BICD1: variants seen among roughly 807,000 people sequenced by gnomAD.
BICD1 encodes the protein protein bicaudal D homolog 1.
Under a neutral mutation model 92.5 loss-of-function variants are expected in BICD1, and 35 were observed. The observed-to-expected ratio is 0.38, with a 90% CI of 0.29 to 0.50. The LOEUF (loss-of-function observed/expected upper bound fraction) is 0.50. BICD1 is among the 20% of genes least tolerant of loss of function. BICD1 has a pLI of 0.93. For synonymous variants in BICD1, 429 were observed against 465.1 expected (o/e 0.92, Z 1.00); for missense variants, 950 against 1,189.8 (o/e 0.80, Z 2.97).
In BICD1 at chr12:32,379,860, G is replaced by A. The variant is rs556044571; in HGVS notation, c.*2233G>A. 2 of 152,306 alleles carry A rather than the reference G, an allele frequency of 1.3e-5. No individual in the cohort carries two copies. Among genetic ancestry groups the A allele is most frequent in the African/African-American group, 4.8e-5 (2 of 41,564 alleles). 9.4% of individuals were successfully genotyped at this position (152,306 alleles called of 1,614,324 possible). ...GAGTTCAGCAGGAAGTATTGTCTGT[G>A]TGTGATGACGGGGCAGTATTGCCAG... is the stretch of plus-strand genomic sequence containing the variant. On this transcript the variant is annotated 3_prime_UTR_variant, in exon 10 of 10. Coordinates refer to ENST00000652176, the MANE Select transcript of BICD1 (RefSeq NM_001714.4).
intron 9 of BICD1, among the ~76,000 whole-genome samples, chr12:32,371,261 A>G (rs998103132): frequency 6.6e-6 from 1 of 152,170 alleles, no homozygotes; most frequent in Non-Finnish European, 1.5e-5. Context: ...ACTGTTCCCC[A>G]TCGTGGTCTA....
intron 4 of BICD1, among the ~76,000 whole-genome samples, chr12:32,308,961 G>C (rs1472171551): frequency 1.3e-5 from 2 of 152,086 alleles, no homozygotes; most frequent in African/African-American, 2.4e-5. Context: ...AACACTAACT[G>C]TAAATTTTTT....
chr12:32,111,615 T>C (rs1941695523), intron 1 of BICD1, among the ~76,000 whole-genome samples: 1 of 152,166 alleles, frequency 6.6e-6, no homozygotes, highest in Admixed American at 6.6e-5. Flanking sequence ...TATTTTATTT[T>C]ATTTTATTTT....
chr12:32,194,740 G>C (rs904324721), intron 1 of BICD1, among the ~76,000 whole-genome samples: 3 of 151,584 alleles, frequency 2.0e-5, no homozygotes, highest in African/African-American at 2.4e-5. Context: ...AAAATTAGCC[G>C]GGCGTGGTGG....
rs115704183 is a variant in BICD1, at chr12:32,343,005, A to C, written c.2764+4026A>C. Among the ~76,000 whole-genome samples, 766 of 152,324 alleles carry C rather than the reference A, an allele frequency of 5.0e-3. 4 individuals are homozygous for C. The highest frequency in any genetic ancestry group is 0.018 in the African/African-American group (737 of 41,568). On this transcript the variant is annotated intron_variant, in intron 8 of 9. Coordinates refer to ENST00000652176, the MANE Select transcript of BICD1 (RefSeq NM_001714.4). ...TCCCTCTGGCTGGCTCAGCTTCTGC[A>C]ACCTCAGCCCTTACAATTGCAGTGC...
Position 32,377,715 on chromosome 12 carries a change from T to C in BICD1, c.*88T>C. 1 of 1,210,712 alleles carries C rather than the reference T, an allele frequency of 8.3e-7. No individual in the cohort carries two copies. The highest frequency in any genetic ancestry group is 1.2e-6 in the Non-Finnish European group (1 of 819,110). 75.0% of individuals were successfully genotyped at this position (1,210,712 alleles called of 1,614,324 possible). On this transcript the variant is annotated 3_prime_UTR_variant, in exon 10 of 10. Coordinates refer to ENST00000652176, the MANE Select transcript of BICD1 (RefSeq NM_001714.4). ...CCAAGATCCAGCGGGTGTTTTCTTCTCGGTTGTTAGATGTACAATTGGATT... is the reference window on the plus strand; with the variant it reads ...CCAAGATCCAGCGGGTGTTTTCTTCCCGGTTGTTAGATGTACAATTGGATT...
intron 8 of BICD1, among the ~76,000 whole-genome samples, chr12:32,350,006 C>T (rs1342224234): frequency 1.3e-5 from 2 of 152,226 alleles, no homozygotes; most frequent in Admixed American, 1.3e-4. Flanking sequence ...TCCTCTGAGG[C>T]ATTGTAAACG....
At chr12:32,183,018 A>T (rs1225923701) in intron 1 of BICD1, among the ~76,000 whole-genome samples, 3 of 149,422 alleles carry the variant, frequency 2.0e-5, no homozygotes, top group Admixed American at 1.3e-4. Flanking sequence ...CAGCCTCCAG[A>T]CTAGCTGGAA....
intron 2 of BICD1, among the ~76,000 whole-genome samples, chr12:32,266,616 G>A (rs890480579): frequency 6.6e-6 from 1 of 152,134 alleles, no homozygotes; most frequent in Non-Finnish European, 1.5e-5. Flanking sequence ...CAGCACTTTG[G>A]GAGGCCAAGG....
chr12:32,326,882 T>TA (rs1043221904), intron 4 of BICD1, among the ~76,000 whole-genome samples: 3 of 152,094 alleles, frequency 2.0e-5, no homozygotes, highest in African/African-American at 7.2e-5. Flanking sequence ...GACCCTGTCT[T>TA]AAAAAAAGAT....
chr12:32,191,363 A>G (rs1218361642), intron 1 of BICD1, among the ~76,000 whole-genome samples: 4 of 151,952 alleles, frequency 2.6e-5, no homozygotes, highest in African/African-American at 9.7e-5. Context: ...GAAATTATAA[A>G]TGAAAGAAGA....
At chr12:32,108,584 A>G (rs1268595428) in intron 1 of BICD1, 3 of 664,508 alleles carry the variant, frequency 4.5e-6, no homozygotes, top group Non-Finnish European at 8.2e-6. Context: ...TGACATTTAA[A>G]TGTTAATTAT....
chr12:32,239,777 T>A (rs148368097), intron 2 of BICD1, among the ~76,000 whole-genome samples: 7,224 of 151,248 alleles, frequency 0.048, 286 homozygotes, highest in East Asian at 0.21. Flanking sequence ...CCCGGCTAAT[T>A]TTGTATTTTT....
intron 1 of BICD1, among the ~76,000 whole-genome samples, chr12:32,187,587 G>C (rs1400096282): frequency 6.6e-6 from 1 of 152,042 alleles, no homozygotes; most frequent in African/African-American, 2.4e-5. Context: ...CATGAAAATC[G>C]CTTGAACCTG....
chr12:32,255,464 T>C (rs1341168051), intron 2 of BICD1, among the ~76,000 whole-genome samples: 1 of 152,212 alleles, frequency 6.6e-6, no homozygotes, highest in Non-Finnish European at 1.5e-5. Context: ...AGAGGCATAC[T>C]GCTAATGTGA....
chr12:32,271,090 G>C lies in BICD1; in HGVS notation c.427-22904G>C, dbSNP rs1455155430. ...TTCCAAAATTCTTTCCCAGGGCTGG[G>C]GGAAGGGAGCCAGACTTGGAGCCCC... is the stretch of plus-strand genomic sequence containing the variant. On this transcript the variant is annotated intron_variant, in intron 2 of 9. Coordinates refer to ENST00000652176, the MANE Select transcript of BICD1 (RefSeq NM_001714.4). Among the ~76,000 whole-genome samples, 5 of 152,172 alleles carry C rather than the reference G, an allele frequency of 3.3e-5. No individual in the cohort carries two copies. The East Asian group carries it at 9.6e-4, about 29-fold the overall frequency.
At position 32,147,861 on chromosome 12, in the gene BICD1, A is replaced by G. The variant is rs562280285; in HGVS notation, c.213+40317A>G. On this transcript the variant is annotated intron_variant, in intron 1 of 9. Transcript: ENST00000652176. ...ATCTATATCTCTACTGCAGTAGGCC[A>G]AGTGCTGTGGCACACGCCTAAAATT... 8.0e-4 allele frequency among the ~76,000 whole-genome samples: 122 copies of G among 152,286 alleles called. 1 individual carries two copies. The highest frequency in any genetic ancestry group is 2.9e-3 in the African/African-American group (119 of 41,566).
intron 1 of BICD1, among the ~76,000 whole-genome samples, chr12:32,215,170 AGTGAGCC>A (rs1437060244): frequency 2.0e-5 from 3 of 151,890 alleles, no homozygotes; most frequent in Non-Finnish European, 2.9e-5. Context: ...CAGAGGTTGC[AGTGAGCC>A]GAGATCATAC....
At chr12:32,252,276 G>T (rs933306683) in intron 2 of BICD1, among the ~76,000 whole-genome samples, 2 of 146,112 alleles carry the variant, frequency 1.4e-5, no homozygotes, top group African/African-American at 5.1e-5. Flanking sequence ...TTATAAATTT[G>T]CCATGTTTGG....
Sources: gnomAD v4.1 joint callset for allele counts (sites outside exome capture counted in the v4.1 genomes callset) on GRCh38, gnomAD v4.1.1 for gene constraint, MANE v1.5 for transcripts, NCBI Gene and HGNC (gene_info 2026-07-23, HGNC 2026-07-21) for gene names.